The following RETREG1 variants were observed in gnomAD, a reference collection of about 807,000 sequenced individuals.
RETREG1 encodes the protein reticulophagy regulator 1.
RETREG1 carries 44 observed loss-of-function variants against 54.8 expected under a neutral mutation model. That is an observed-to-expected ratio of 0.80 (90% confidence interval 0.63 to 1.03). The LOEUF is 1.03. Among genes scored for constraint, RETREG1 ranks in the 50% least tolerant of loss-of-function variants. The pLI, the probability that RETREG1 is intolerant of heterozygous loss-of-function variation, is 0.00. For missense variants in RETREG1, 554 were observed against 605.1 expected, an observed-to-expected ratio of 0.92 and a Z score of 0.89; for synonymous variants, 217 against 238.5, an observed-to-expected ratio of 0.91 and a Z score of 0.83.
rs372079701 is a variant in RETREG1 at position 16,528,151 on chromosome 5, T to G, written c.458+37612A>C. Among the ~76,000 whole-genome samples the G allele has an allele frequency of 1.5e-4, 23 of 152,236 alleles. No homozygotes were observed. The East Asian group carries it at 2.7e-3, about 18-fold the overall frequency. The stretch of plus-strand genomic sequence containing the variant: ...AACACGCTTTATCACAGCTTAGTAG[T>G]GAAGACAACGTGTTCCGGAAAATGT... On this transcript the variant is annotated intron_variant, in intron 3 of 8. Transcript: ENST00000306320.
intron 8 of RETREG1, among the ~76,000 whole-genome samples, chr5:16,476,264 GCCTC>G (rs1387785349): frequency 1.3e-5 from 2 of 152,104 alleles, no homozygotes; most frequent in Non-Finnish European, 1.5e-5. Flanking sequence ...ACACTGCACA[GCCTC>G]CCTCCCTCCT....
chr5:16,484,901 C>A (rs1403301846), intron 3 of RETREG1, among the ~76,000 whole-genome samples: 2 of 152,136 alleles, frequency 1.3e-5, no homozygotes, highest in East Asian at 1.9e-4. Context: ...ATGGTTTATG[C>A]ATCCATTAAC....
Position 16,569,442 on chromosome 5 carries a change from G to T in RETREG1, c.427+2554C>A, listed in dbSNP as rs565254381. ...CTCGACAGAGGTCTGGTTCCCCACA[G>T]GGAGCCCAGCACCCAGGTTGGGCCT... On this transcript the variant is annotated intron_variant, in intron 2 of 8. Coordinates refer to ENST00000306320, the MANE Select transcript of RETREG1 (RefSeq NM_001034850.3). Among the ~76,000 whole-genome samples the T allele has an allele frequency of 3.9e-4, 59 of 152,250 alleles. No individual in the cohort carries two copies. In the South Asian group the frequency reaches 0.012, roughly 31 times the overall value.
At chr5:16,479,662 G>T (rs1372102244) in intron 5 of RETREG1, among the ~76,000 whole-genome samples, 1 of 152,002 alleles carries the variant, frequency 6.6e-6, no homozygotes, top group African/African-American at 2.4e-5. Flanking sequence ...CTGACCATTT[G>T]CCATTTGCAT....
rs1419227472 is a variant in RETREG1 at position 16,541,890 on chromosome 5, T to C, written c.458+23873A>G. 6.6e-5 allele frequency among the ~76,000 whole-genome samples: 10 copies of C among 152,134 alleles called. No homozygotes were observed. The East Asian group carries it at 1.7e-3, about 26-fold the overall frequency. On this transcript the variant is annotated intron_variant, in intron 3 of 8. Transcript: ENST00000306320. ...TCTCTACATCTATGGTTGAAACAAC[T>C]AAACAAGAGGTTTTAGTCTTGTTTC...
chr5:16,608,914 C>T lies in RETREG1; in HGVS notation c.320+7738G>A, dbSNP rs116071725. On this transcript the variant is annotated intron_variant, in intron 1 of 8. Transcript: ENST00000306320. ...TGAAAAAAGTAAGCCCTAATAGTCT[C>T]CTATTTTTCTTTAGAGAGATGGGGT... 8.3e-3 allele frequency among the ~76,000 whole-genome samples: 1,260 copies of T among 152,270 alleles called. 17 individuals are homozygous for T. The highest frequency in any genetic ancestry group is 0.028 in the African/African-American group (1,169 of 41,548).
chr5:16,475,653 G>C lies in RETREG1; in HGVS notation c.1001-419C>G, dbSNP rs550804996. On this transcript the variant is annotated intron_variant, in intron 8 of 8. Coordinates refer to ENST00000306320, the MANE Select transcript of RETREG1 (RefSeq NM_001034850.3). ...TTAAAATACTATAATAAGTTTCCTT[G>C]GGTTTTGGTTAATATTATCCAGCCT... Among the ~76,000 whole-genome samples the C allele has an allele frequency of 3.9e-5, 6 of 152,202 alleles. No homozygotes were observed. In the South Asian group the frequency reaches 1.0e-3, roughly 26 times the overall value.
In RETREG1 at chr5:16,597,168, G is replaced by A. The variant is rs1343986121; in HGVS notation, c.320+19484C>T. 2.0e-5 allele frequency among the ~76,000 whole-genome samples: 3 copies of A among 152,232 alleles called. No homozygotes were observed. Among genetic ancestry groups the A allele is most frequent in the Non-Finnish European group, 2.9e-5 (2 of 68,052 alleles). On this transcript the variant is annotated intron_variant, in intron 1 of 8. Coordinates refer to ENST00000306320, the MANE Select transcript of RETREG1 (RefSeq NM_001034850.3). The surrounding 1 kb of genome is among the most constrained non-coding windows in gnomAD (Gnocchi z 4.3). Reference sequence around the variant, plus strand: ...AATTAGGCCACCCAGGTGTAAAACAGTTGCAACCACACAAGTGTGGCTGTG... The same window carrying A: ...AATTAGGCCACCCAGGTGTAAAACAATTGCAACCACACAAGTGTGGCTGTG...
intron 3 of RETREG1, among the ~76,000 whole-genome samples, chr5:16,528,458 G>C (rs942180184): frequency 3.3e-5 from 5 of 152,108 alleles, no homozygotes; most frequent in Non-Finnish European, 7.3e-5. Flanking sequence ...CCTTGTGATG[G>C]ATATATATTC....
intron 3 of RETREG1, among the ~76,000 whole-genome samples, chr5:16,496,942 T>C (rs1004453964): frequency 6.6e-6 from 1 of 152,152 alleles, no homozygotes; most frequent in African/African-American, 2.4e-5. Context: ...AAACTTCATA[T>C]ACAAAATCAG....
At chr5:16,507,868 T>C (rs945270369) in intron 3 of RETREG1, among the ~76,000 whole-genome samples, 4 of 152,248 alleles carry the variant, frequency 2.6e-5, no homozygotes, top group South Asian at 2.1e-4. Context: ...CAAATTTCAA[T>C]GGCCCCAATT....
At chr5:16,559,129 C>T (rs558705535) in intron 3 of RETREG1, among the ~76,000 whole-genome samples, 9 of 152,294 alleles carry the variant, frequency 5.9e-5, no homozygotes, top group African/African-American at 1.9e-4. Context: ...CCAACCCCTC[C>T]GCCTACTTGA....
chr5:16,544,418 T>C (rs1394527176), intron 3 of RETREG1, among the ~76,000 whole-genome samples: 1 of 152,232 alleles, frequency 6.6e-6, no homozygotes, highest in Non-Finnish European at 1.5e-5. Flanking sequence ...AGGTTTGTCA[T>C]CTTGATCAAG....
intron 1 of RETREG1, among the ~76,000 whole-genome samples, chr5:16,612,933 A>C (rs769921162): frequency 1.3e-5 from 2 of 152,178 alleles, no homozygotes; most frequent in Non-Finnish European, 2.9e-5. Flanking sequence ...ATCATTCAGC[A>C]TATATTACTT....
chr5:16,482,050 A>C (rs553256166), intron 4 of RETREG1, among the ~76,000 whole-genome samples: 2 of 152,144 alleles, frequency 1.3e-5, no homozygotes, highest in East Asian at 3.9e-4. Context: ...GTCTAAATCT[A>C]AGTTTAATTT....
At chr5:16,538,464 A>G (rs1398201463) in intron 3 of RETREG1, among the ~76,000 whole-genome samples, 1 of 152,186 alleles carries the variant, frequency 6.6e-6, no homozygotes, top group African/African-American at 2.4e-5. Context: ...AGACTGCATT[A>G]AATGCTACAC....
chr5:16,520,296 T>G (rs561838914), intron 3 of RETREG1, among the ~76,000 whole-genome samples: 7 of 148,044 alleles, frequency 4.7e-5, no homozygotes, highest in African/African-American at 1.0e-4. Context: ...TTCTAATCAA[T>G]AGTTTTTTGG....
chr5:16,523,397 G>A (rs1374964959), intron 3 of RETREG1, among the ~76,000 whole-genome samples: 1 of 152,030 alleles, frequency 6.6e-6, no homozygotes, highest in Admixed American at 6.6e-5. Flanking sequence ...ACAGATCTGA[G>A]GAGTGTTTTG....
intron 3 of RETREG1, among the ~76,000 whole-genome samples, chr5:16,519,848 T>C (rs1323832110): frequency 6.6e-6 from 1 of 152,236 alleles, no homozygotes; most frequent in Non-Finnish European, 1.5e-5. Flanking sequence ...TTATCCTGAA[T>C]AGTCAGAACT....
Sources: gnomAD v4.1 joint callset for allele counts (sites outside exome capture counted in the v4.1 genomes callset) on GRCh38, gnomAD v4.1.1 for gene constraint, Gnocchi (gnomAD v3.1) non-coding constraint, MANE v1.5 for transcripts, NCBI Gene and HGNC (gene_info 2026-07-23, HGNC 2026-07-21) for gene names.